C12orf42: variants seen among roughly 807,000 people sequenced by gnomAD.
The protein encoded by C12orf42 is chromosome 12 open reading frame 42.
A neutral mutation model predicts 21.6 loss-of-function variants in C12orf42; 25 were observed. The observed-to-expected ratio is 1.16, with a 90% CI of 0.84 to 1.62. C12orf42 has a LOEUF of 1.62. Ranked by LOEUF, C12orf42 falls within the 40% of genes most tolerant of loss-of-function variation. The pLI is 0.00. For synonymous variants in C12orf42, 174 were observed against 175.0 expected (o/e 0.99, Z 0.05); for missense variants, 483 against 459.3 (o/e 1.05, Z -0.47).
At chr12:103,142,571 G>C in the C12orf42 span, among the ~76,000 whole-genome samples, 1 of 152,148 alleles carries the variant, frequency 6.6e-6, no homozygotes, top group African/African-American at 2.4e-5. Flanking sequence ...GTGCATCAGA[G>C]AGAGAGAGAG....
At chr12:103,217,563 T>A in the C12orf42 span, among the ~76,000 whole-genome samples, 1 of 149,290 alleles carries the variant, frequency 6.7e-6, no homozygotes, top group Non-Finnish European at 1.5e-5. Flanking sequence ...TTCCAAAAAA[T>A]TAGATATAAC....
chr12:103,329,949 T>C (rs368826756), intron 4 of C12orf42, among the ~76,000 whole-genome samples: 1 of 151,994 alleles, frequency 6.6e-6, no homozygotes, highest in Non-Finnish European at 1.5e-5. Context: ...ATACAGATAA[T>C]TTAGTATTCT....
intron 2 of C12orf42, among the ~76,000 whole-genome samples, chr12:103,450,624 G>A (rs925680693): frequency 2.0e-5 from 3 of 151,972 alleles, no homozygotes; most frequent in South Asian, 2.1e-4. Context: ...TCAACCCCAC[G>A]GTCTCCCCTA....
chr12:103,384,631 A>G (rs1387942560), intron 3 of C12orf42, among the ~76,000 whole-genome samples: 1 of 152,216 alleles, frequency 6.6e-6, no homozygotes, highest in South Asian at 2.1e-4. Context: ...AAACATTAAC[A>G]TGCATACATC....
the C12orf42 span, among the ~76,000 whole-genome samples, chr12:103,516,932 G>A: frequency 6.6e-6 from 1 of 152,148 alleles, no homozygotes; most frequent in East Asian, 1.9e-4. Context: ...ACAGACCATA[G>A]AGCAACAAAA....
intron 4 of C12orf42, among the ~76,000 whole-genome samples, chr12:103,357,745 T>C (rs530323173): frequency 6.6e-6 from 1 of 152,104 alleles, no homozygotes; most frequent in Non-Finnish European, 1.5e-5. Context: ...GGTGCTATAT[T>C]TGCTGTAGCA....
At chr12:103,275,727 A>G (rs540641835) in intron 5 of C12orf42, among the ~76,000 whole-genome samples, 1 of 151,578 alleles carries the variant, frequency 6.6e-6, no homozygotes, top group South Asian at 2.1e-4. Flanking sequence ...ATCAAGTATT[A>G]TGATCAAGTA....
intron 4 of C12orf42, among the ~76,000 whole-genome samples, chr12:103,310,726 A>T (rs768928973): frequency 3.3e-5 from 5 of 152,256 alleles, no homozygotes; most frequent in Non-Finnish European, 7.3e-5. Flanking sequence ...AATCTGGTCT[A>T]CCTCCAAAAC....
chr12:103,506,871 TTTATATATTATATATTAA>T, the C12orf42 span, among the ~76,000 whole-genome samples: 4 of 69,214 alleles, frequency 5.8e-5, no homozygotes, highest in East Asian at 5.6e-4. Flanking sequence ...TATATATATA[TTTATATATTATATATTAA>T]ATATATATTT....
the C12orf42 span, among the ~76,000 whole-genome samples, chr12:103,182,498 T>A: frequency 6.6e-6 from 1 of 152,168 alleles, no homozygotes; most frequent in Non-Finnish European, 1.5e-5. Flanking sequence ...GTTCTACCCA[T>A]GTGATAGCAT....
chr12:103,560,795 C>T, the C12orf42 span, among the ~76,000 whole-genome samples: 1 of 152,304 alleles, frequency 6.6e-6, no homozygotes, highest in Non-Finnish European at 1.5e-5. Context: ...AGTGCATACC[C>T]TCTTAGTCAC....
At chr12:103,500,625 A>T (rs958664494), upstream of C12orf42, among the ~76,000 whole-genome samples, 1 of 152,262 alleles carries the variant, frequency 6.6e-6, no homozygotes, top group Non-Finnish European at 1.5e-5. Context: ...AATATTAATC[A>T]GATGAGAATC....
At chr12:103,289,717 G>C (rs1384542833) in intron 4 of C12orf42, among the ~76,000 whole-genome samples, 1 of 151,976 alleles carries the variant, frequency 6.6e-6, no homozygotes, top group Non-Finnish European at 1.5e-5. Flanking sequence ...TGTGATGGGG[G>C]GAAAAAACAG....
At chr12:103,199,557 C>A in the C12orf42 span, among the ~76,000 whole-genome samples, 1 of 152,112 alleles carries the variant, frequency 6.6e-6, no homozygotes, top group Non-Finnish European at 1.5e-5. Context: ...TTGTAAACCA[C>A]ATATTTGATA....
At chr12:103,423,115 A>AC (rs1182641251) in intron 2 of C12orf42, among the ~76,000 whole-genome samples, 2 of 152,114 alleles carry the variant, frequency 1.3e-5, no homozygotes, top group East Asian at 1.9e-4. Flanking sequence ...AGAAGGAGTG[A>AC]CCCCCATGGG....
chr12:103,450,787 T>C (rs1480007332), intron 2 of C12orf42, among the ~76,000 whole-genome samples: 1 of 152,134 alleles, frequency 6.6e-6, no homozygotes, highest in African/African-American at 2.4e-5. Flanking sequence ...AGCCTAGGTT[T>C]CTTGAAATAA....
At chr12:103,141,633 G>T in the C12orf42 span, among the ~76,000 whole-genome samples, 17 of 150,046 alleles carry the variant, frequency 1.1e-4, no homozygotes, top group Admixed American at 1.1e-3. Context: ...AGTTTCAAAC[G>T]ATTCTCCTGC....
the C12orf42 span, among the ~76,000 whole-genome samples, chr12:103,091,894 T>G: frequency 6.6e-6 from 1 of 152,138 alleles, no homozygotes; most frequent in African/African-American, 2.4e-5. Context: ...ACTATTTAAT[T>G]TATTGGTTTG....
the C12orf42 span, among the ~76,000 whole-genome samples, chr12:103,132,316 G>A: frequency 2.3e-5 from 3 of 133,162 alleles, no homozygotes; most frequent in Admixed American, 7.7e-5. Flanking sequence ...CTACTCTACA[G>A]GGCTTGGCTG....
Sources: gnomAD v4.1 joint callset for allele counts (sites outside exome capture counted in the v4.1 genomes callset) on GRCh38, gnomAD v4.1.1 for gene constraint, MANE v1.5 for transcripts, NCBI Gene and HGNC (gene_info 2026-07-23, HGNC 2026-07-21) for gene names.